Variants in SPRY3 observed in about 807,000 individuals in gnomAD.
SPRY3 encodes sprouty RTK signaling antagonist 3, also known as protein sprouty homolog 3.
SPRY3 carries 15 observed loss-of-function variants against 20.2 expected under a neutral mutation model. The ratio of observed to expected loss-of-function variants is 0.74; its 90% CI spans 0.50 to 1.14. The LOEUF (loss-of-function observed/expected upper bound fraction) is 1.14. SPRY3 is among the 50% of genes most tolerant of loss of function. The pLI, the probability that SPRY3 is intolerant of heterozygous loss-of-function variation, is 0.00. For synonymous variants in SPRY3, 143 were observed against 136.5 expected (o/e 1.05, Z -0.33); for missense variants, 364 against 363.9 (o/e 1.00, Z 0.00).
downstream of SPRY3, chrX:155,781,363 G>C (rs1271646944): frequency 6.0e-6 from 1 of 166,986 alleles, no homozygotes; most frequent in East Asian, 1.9e-4. Context: ...GACCAATTAA[G>C]TCAGAATCTT....
intron 2 of SPRY3, among the ~76,000 whole-genome samples, chrX:155,703,839 C>G (rs1036912454): frequency 2.0e-5 from 3 of 151,872 alleles, no homozygotes; most frequent in East Asian, 3.9e-4. Context: ...TGGGGAAACC[C>G]TTAATCTCAT....
chrX:155,708,520 C>T (rs1435418939), intron 2 of SPRY3, among the ~76,000 whole-genome samples: 1 of 151,310 alleles, frequency 6.6e-6, no homozygotes, highest in Non-Finnish European at 1.5e-5. Flanking sequence ...ATGGCATTTG[C>T]TGAGCTTCTT....
chrX:155,711,975 A>G (rs1453588694), intron 2 of SPRY3, among the ~76,000 whole-genome samples: 1 of 151,802 alleles, frequency 6.6e-6, no homozygotes, highest in Non-Finnish European at 1.5e-5. Context: ...ATCATTCAGG[A>G]GCATATCATT....
At chrX:155,700,910 A>G (rs1569562694) in intron 2 of SPRY3, among the ~76,000 whole-genome samples, 1 of 27,601 alleles carries the variant, frequency 3.6e-5, no homozygotes, top group Non-Finnish European at 5.5e-5. Context: ...ATGGTTTCCA[A>G]TTTCATCCAT....
In SPRY3 at chrX:155,691,772, A is replaced by G. The variant is rs2068102461; in HGVS notation, c.-282+34747A>G. 3.4e-5 allele frequency among the ~76,000 whole-genome samples: 3 copies of G among 87,733 alleles called. No homozygotes were observed. In the Admixed American group the frequency reaches 3.7e-4, roughly 11 times the overall value. 76.2% of individuals were successfully genotyped at this position (87,733 alleles called of 115,157 possible). On this transcript the variant is annotated intron_variant, in intron 2 of 3. Transcript: ENST00000675360. ...ATATCCATCGCCTCAACCATTTATT[A>G]TTTCTTCATCTTAGGAACATTCCAG...
intron 1 of SPRY3, among the ~76,000 whole-genome samples, chrX:155,630,756 A>G (rs1472102945): frequency 1.8e-5 from 2 of 110,890 alleles, no homozygotes; most frequent in Admixed American, 9.6e-5. Context: ...CTGGAGATTT[A>G]TATCTTTCTC....
intron 2 of SPRY3, among the ~76,000 whole-genome samples, chrX:155,730,221 G>A (rs1430282221): frequency 6.6e-6 from 1 of 152,120 alleles, no homozygotes; most frequent in Non-Finnish European, 1.5e-5. Context: ...AAGCCAGACA[G>A]AGACACATCA....
chrX:155,768,011 G>C (rs1225400057), exon 3 of SPRY3: 1 of 152,158 alleles, frequency 6.6e-6, no homozygotes, highest in Non-Finnish European at 1.5e-5. Context: ...GCCAGTGAAG[G>C]AGTTTTCATT....
downstream of SPRY3, chrX:155,780,007 T>G (rs1275887102): frequency 6.0e-6 from 1 of 166,980 alleles, no homozygotes; most frequent in Non-Finnish European, 1.5e-5. Context: ...CCAGTGTTGC[T>G]GCTGTTAAAG....
At chrX:155,767,778 G>C (rs967615849) in intron 2 of SPRY3, 184 bp from the exon 2 acceptor site, 2 of 148,726 alleles carry the variant, frequency 1.3e-5, no homozygotes, top group African/African-American at 2.6e-5. Flanking sequence ...AGGAGAAAGA[G>C]GAGGAGGTGA....
intron 2 of SPRY3, among the ~76,000 whole-genome samples, chrX:155,737,214 T>C (rs183728581): frequency 1.3e-3 from 204 of 152,284 alleles, no homozygotes; most frequent in African/African-American, 4.8e-3. Flanking sequence ...ATGCTTACCT[T>C]GTCTCTTCAG....
At chrX:155,656,664 G>A (rs1032943202) in intron 1 of SPRY3, among the ~76,000 whole-genome samples, 1 of 110,839 alleles carries the variant, frequency 9.0e-6, no homozygotes, top group Non-Finnish European at 1.9e-5. Context: ...GTCATTTGGA[G>A]GAGAAGAAGC....
intron 2 of SPRY3, among the ~76,000 whole-genome samples, chrX:155,766,736 G>A (rs767146780): frequency 6.6e-6 from 1 of 152,274 alleles, no homozygotes; most frequent in African/African-American, 2.4e-5. Context: ...AATGTCCAAG[G>A]CTGCTTTATT....
intron 1 of SPRY3, among the ~76,000 whole-genome samples, chrX:155,634,155 C>T (rs782648182): frequency 2.2e-4 from 24 of 110,735 alleles, no homozygotes; most frequent in African/African-American, 7.6e-4. Flanking sequence ...TTTGATATAT[C>T]TTCTCACATG....
chrX:155,718,879 A>C (rs893874841), intron 2 of SPRY3, among the ~76,000 whole-genome samples: 1 of 152,210 alleles, frequency 6.6e-6, no homozygotes, highest in Non-Finnish European at 1.5e-5. Flanking sequence ...GGTAAGTTAT[A>C]AAATAAGCAA....
intron 2 of SPRY3, among the ~76,000 whole-genome samples, chrX:155,682,470 G>GT (rs1317503954): frequency 1.8e-5 from 2 of 112,235 alleles, no homozygotes; most frequent in Non-Finnish European, 3.8e-5. Flanking sequence ...TGACTTTCAA[G>GT]TTTTTTGTGT....
chrX:155,742,360 A>G (rs2091207975), intron 2 of SPRY3, among the ~76,000 whole-genome samples: 1 of 152,190 alleles, frequency 6.6e-6, no homozygotes, highest in Non-Finnish European at 1.5e-5. Flanking sequence ...TTAGAGACCT[A>G]TGAAGAGACT....
At chrX:155,765,586 G>T (rs979829307) in intron 2 of SPRY3, among the ~76,000 whole-genome samples, 14 of 152,254 alleles carry the variant, frequency 9.2e-5, no homozygotes, top group African/African-American at 2.9e-4. Context: ...CCCATAGCAG[G>T]CATGGTTGAA....
At chrX:155,624,763 A>G (rs1057274629) in intron 1 of SPRY3, among the ~76,000 whole-genome samples, 16 of 111,981 alleles carry the variant, frequency 1.4e-4, no homozygotes, top group Non-Finnish European at 5.7e-5. Context: ...ATTGACAGTA[A>G]TTTCATAGTC....
Sources: gnomAD v4.1 joint callset for allele counts (sites outside exome capture counted in the v4.1 genomes callset) on GRCh38, gnomAD v4.1.1 for gene constraint, MANE v1.5 for transcripts, NCBI Gene and HGNC (gene_info 2026-07-23, HGNC 2026-07-21) for gene names.